Variants in GNG7 observed in about 807,000 individuals in gnomAD.
GNG7 encodes the protein guanine nucleotide-binding protein G(I)/G(S)/G(O) subunit gamma-7.
Under a neutral mutation model 4.0 loss-of-function variants are expected in GNG7, and 1 was observed. That is an observed-to-expected ratio of 0.25 (90% CI 0.09 to 1.18). The LOEUF is 1.18. GNG7 is among the 50% of genes most tolerant of loss of function. The pLI, the probability that GNG7 is intolerant of heterozygous loss-of-function variation, is 0.50. For missense variants in GNG7, 86 were observed against 91.9 expected (o/e 0.94, Z 0.26); for synonymous variants, 34 against 36.9 (o/e 0.92, Z 0.29).
intron 2 of GNG7, among the ~76,000 whole-genome samples, chr19:2,581,064 C>G (rs1336939519): frequency 6.6e-6 from 1 of 152,150 alleles, no homozygotes; most frequent in Non-Finnish European, 1.5e-5. Context: ...TGCGCCCGGC[C>G]TCTGCCTGGT....
intron 1 of GNG7, among the ~76,000 whole-genome samples, chr19:2,663,452 C>T (rs1051509165): frequency 1.3e-5 from 2 of 151,874 alleles, no homozygotes; most frequent in Non-Finnish European, 1.5e-5. Flanking sequence ...GCCAGCACCT[C>T]GACATTGGAC....
intron 2 of GNG7, chr19:2,630,731 A>T (rs1599430660): frequency 6.6e-6 from 1 of 151,526 alleles, no homozygotes; most frequent in Non-Finnish European, 1.5e-5. Context: ...AAGTTTGGAC[A>T]TAGTGTGGCT....
intron 2 of GNG7, among the ~76,000 whole-genome samples, chr19:2,620,736 G>A (rs2144832073): frequency 6.6e-6 from 1 of 152,244 alleles, no homozygotes; most frequent in South Asian, 2.1e-4. Context: ...AGCTACTTGG[G>A]AGGTTGAGGC....
At chr19:2,556,221 C>A (rs536716915) in intron 2 of GNG7, among the ~76,000 whole-genome samples, 1 of 152,356 alleles carries the variant, frequency 6.6e-6, no homozygotes, top group South Asian at 2.1e-4. Context: ...AGCCGGCAGC[C>A]CCACTTGGAG....
At chr19:2,547,233 A>T (rs943848518) in intron 3 of GNG7, among the ~76,000 whole-genome samples, 4 of 152,086 alleles carry the variant, frequency 2.6e-5, no homozygotes, top group African/African-American at 9.7e-5. Flanking sequence ...GTCCTGTGAC[A>T]TTGTGGCTGC....
intron 1 of GNG7, among the ~76,000 whole-genome samples, chr19:2,655,145 C>T (rs1982932314): frequency 6.8e-6 from 1 of 147,670 alleles, no homozygotes; most frequent in Admixed American, 6.8e-5. Flanking sequence ...GCTGAGATCA[C>T]ACCACTGCAC....
chr19:2,697,312 C>T (rs1029320048), intron 1 of GNG7, among the ~76,000 whole-genome samples: 1 of 152,278 alleles, frequency 6.6e-6, no homozygotes. Flanking sequence ...GAGCTGCCCA[C>T]GAACCCCACC....
chr19:2,698,936 A>G (rs770221658), intron 1 of GNG7, among the ~76,000 whole-genome samples: 1 of 152,160 alleles, frequency 6.6e-6, no homozygotes, highest in African/African-American at 2.4e-5. Context: ...CGGTCAAAGG[A>G]TGTTTTCTAA....
chr19:2,538,913 C>T (rs140317585), intron 3 of GNG7: 97 of 196,526 alleles, frequency 4.9e-4, no homozygotes, highest in African/African-American at 2.0e-3. Context: ...GGATTACAGG[C>T]GCCCGCCACC....
At chr19:2,519,514 C>T (rs561070685) in intron 4 of GNG7, among the ~76,000 whole-genome samples, 2 of 151,750 alleles carry the variant, frequency 1.3e-5, no homozygotes, top group Admixed American at 6.6e-5. Flanking sequence ...TGGAATTGAA[C>T]GCCTGACCTC....
rs1388694646 is a variant in GNG7, at chr19:2,617,828, C to T, written c.-78+28396G>A. On this transcript the variant is annotated intron_variant, in intron 2 of 4. Transcript: ENST00000382159. The surrounding 1 kb of genome is among the most constrained non-coding windows in gnomAD (Gnocchi z 4.7). ...CAGCCTCCTGGGCTCAAGTGATCCT[C>T]CTACCTCAGCCTCCAGAGCAGCTGG... is the stretch of plus-strand genomic sequence containing the variant. 6.6e-6 allele frequency among the ~76,000 whole-genome samples: 1 copy of T among 151,926 alleles called. No homozygotes were observed. Among genetic ancestry groups the T allele is most frequent in the Non-Finnish European group, 1.5e-5 (1 of 67,982 alleles).
intron 2 of GNG7, among the ~76,000 whole-genome samples, chr19:2,561,830 G>A (rs1979750984): frequency 6.6e-6 from 1 of 151,966 alleles, no homozygotes; most frequent in African/African-American, 2.4e-5. Context: ...GCAGTGAGCC[G>A]AGATTGCACC....
At chr19:2,630,429 G>A (rs1331242091) in intron 2 of GNG7, among the ~76,000 whole-genome samples, 2 of 152,136 alleles carry the variant, frequency 1.3e-5, no homozygotes, top group Non-Finnish European at 2.9e-5. Flanking sequence ...CTGAAAGGGC[G>A]ATTATCCTAG....
chr19:2,562,284 T>C (rs1979766435), intron 2 of GNG7, among the ~76,000 whole-genome samples: 1 of 149,044 alleles, frequency 6.7e-6, no homozygotes, highest in Non-Finnish European at 1.5e-5. Flanking sequence ...TTCTTTCTTT[T>C]TCTTTCTTTT....
At chr19:2,543,978 C>CT (rs1467882756) in intron 3 of GNG7, among the ~76,000 whole-genome samples, 1 of 152,016 alleles carries the variant, frequency 6.6e-6, no homozygotes, top group Non-Finnish European at 1.5e-5. Context: ...GGGGGTCTGG[C>CT]AATCCCCCAC....
intron 2 of GNG7, among the ~76,000 whole-genome samples, chr19:2,628,997 G>A (rs895567667): frequency 7.9e-5 from 12 of 152,162 alleles, no homozygotes; most frequent in African/African-American, 2.2e-4. Flanking sequence ...GGTCTTGGGC[G>A]CCATCTTGGA....
rs574013578 is a variant in GNG7 at position 2,637,090 on chromosome 19, A to C, written c.-78+9134T>G. 7.0e-3 allele frequency among the ~76,000 whole-genome samples: 943 copies of C among 133,866 alleles called. 16 individuals carry two copies. The highest frequency in any genetic ancestry group is 0.025 in the African/African-American group (897 of 36,302). 87.8% of individuals were successfully genotyped at this position (133,866 alleles called of 152,430 possible). A position where few individuals can be genotyped will look rare whatever the true frequency, so the allele number is the denominator to read the frequency against. ...CCCTACCTGCACCCCCCGCATCTCC[A>C]GCCCCCTGCCGGCTCCAGGCCCGGG... On this transcript the variant is annotated intron_variant, in intron 2 of 4. Transcript: ENST00000382159.
At chr19:2,670,556 G>GACCTC (rs1353495983) in intron 1 of GNG7, among the ~76,000 whole-genome samples, 1 of 152,188 alleles carries the variant, frequency 6.6e-6, no homozygotes, top group African/African-American at 2.4e-5. Flanking sequence ...GAGCTGCCTC[G>GACCTC]GGCATGGCTG....
At chr19:2,566,086 A>C (rs1443555707) in intron 2 of GNG7, among the ~76,000 whole-genome samples, 1 of 152,082 alleles carries the variant, frequency 6.6e-6, no homozygotes, top group Non-Finnish European at 1.5e-5. Context: ...TGAACCTGGG[A>C]GGCGGAGGTG....
Sources: gnomAD v4.1 joint callset for allele counts (sites outside exome capture counted in the v4.1 genomes callset) on GRCh38, gnomAD v4.1.1 for gene constraint, Gnocchi (gnomAD v3.1) non-coding constraint, MANE v1.5 for transcripts, NCBI Gene and HGNC (gene_info 2026-07-23, HGNC 2026-07-21) for gene names.